The following ERBIN variants were observed in gnomAD, a reference collection of about 807,000 sequenced individuals.
ERBIN encodes the protein densin-180-like protein.
In ERBIN, 60 loss-of-function variants were observed where a neutral mutation model predicts 158.4. That is an observed-to-expected ratio of 0.38 (90% confidence interval 0.31 to 0.47). The LOEUF (loss-of-function observed/expected upper bound fraction) is 0.47, where lower values mean the gene tolerates loss of function less well. Among genes scored for constraint, ERBIN ranks in the 20% least tolerant of loss-of-function variants. The probability of loss-of-function intolerance (pLI) is 0.99; values close to 1 mark genes in which losing one functional copy is unlikely to be tolerated. For missense variants in ERBIN, 1,610 were observed against 1,648.0 expected (o/e 0.98, Z 0.40); for synonymous variants, 594 against 557.2 (o/e 1.07, Z -0.93).
intron 4 of ERBIN, among the ~76,000 whole-genome samples, chr5:66,003,254 A>G (rs1385792653): frequency 2.6e-5 from 4 of 152,220 alleles, no homozygotes; most frequent in Admixed American, 2.0e-4. Context: ...CCTGCCTGGC[A>G]GAGACCACCA....
intron 14 of ERBIN, among the ~76,000 whole-genome samples, chr5:66,032,863 G>A (rs1757028010): frequency 6.6e-6 from 1 of 152,236 alleles, no homozygotes; most frequent in Non-Finnish European, 1.5e-5. Flanking sequence ...AAGCAAAGAT[G>A]AGGGTCAAAG....
At chr5:66,063,205 G>C in intron 21 of ERBIN, among the ~76,000 whole-genome samples, 1 of 152,352 alleles carries the variant, frequency 6.6e-6, no homozygotes, top group East Asian at 1.9e-4. Context: ...GAGCTTCCCA[G>C]CTGCTTTGGT....
intron 1 of ERBIN, among the ~76,000 whole-genome samples, chr5:65,927,634 G>C (rs942663346): frequency 6.6e-6 from 1 of 152,182 alleles, no homozygotes; most frequent in African/African-American, 2.4e-5. Flanking sequence ...CGCTTAAAAC[G>C]ATTTTCAAGG....
chr5:66,026,525 A>G (rs2151155721), intron 13 of ERBIN, 108 bp downstream of exon 13: 7 of 487,136 alleles, frequency 1.4e-5, no homozygotes, highest in East Asian at 3.5e-5. Context: ...CTCTTTAAAT[A>G]TACATAGTAA....
At chr5:65,928,236 T>G (rs1742915353) in intron 1 of ERBIN, among the ~76,000 whole-genome samples, 1 of 151,884 alleles carries the variant, frequency 6.6e-6, no homozygotes, top group African/African-American at 2.4e-5. Flanking sequence ...GGGCATGGTC[T>G]CAGGAGATTC....
intron 1 of ERBIN, among the ~76,000 whole-genome samples, chr5:65,977,306 A>T: frequency 7.3e-6 from 1 of 136,588 alleles, no homozygotes; most frequent in Non-Finnish European, 1.6e-5. Context: ...TGACCCCCCC[A>T]CCTCCCTCCC....
chr5:66,072,121 A>G (rs1463424638), intron 21 of ERBIN, 48 bp from the exon 22 acceptor site: 2 of 1,527,958 alleles, frequency 1.3e-6, no homozygotes, highest in Non-Finnish European at 1.8e-6. Flanking sequence ...TCTTGGTTTC[A>G]CATCTTAAAG....
chr5:65,931,809 T>C (rs1743422656), intron 1 of ERBIN, among the ~76,000 whole-genome samples: 1 of 147,786 alleles, frequency 6.8e-6, no homozygotes, highest in African/African-American at 2.4e-5. Context: ...AGATTTTCTT[T>C]CTTTTCTTTC....
chr5:66,022,123 T>G (rs1451980519), intron 8 of ERBIN, among the ~76,000 whole-genome samples: 1 of 152,088 alleles, frequency 6.6e-6, no homozygotes, highest in African/African-American at 2.4e-5. Flanking sequence ...AGTATTGCCC[T>G]GTGGGTATTA....
chr5:65,964,482 T>A (rs906538290), intron 1 of ERBIN, among the ~76,000 whole-genome samples: 1 of 152,218 alleles, frequency 6.6e-6, no homozygotes, highest in Admixed American at 6.5e-5. Context: ...TTTGGTAAAA[T>A]CTTCAGATAA....
At chr5:65,979,349 C>T (rs1750390114) in intron 1 of ERBIN, among the ~76,000 whole-genome samples, 1 of 152,092 alleles carries the variant, frequency 6.6e-6, no homozygotes. Context: ...ATTACTTGAA[C>T]CTGGGAGGTT....
intron 20 of ERBIN, among the ~76,000 whole-genome samples, chr5:66,051,305 G>A (rs1758996563): frequency 6.6e-6 from 1 of 152,158 alleles, no homozygotes; most frequent in Non-Finnish European, 1.5e-5. Context: ...ATCATTTTGA[G>A]GGGCTGCCAT....
chr5:65,956,538 T>A (rs1747159470), intron 1 of ERBIN, among the ~76,000 whole-genome samples: 1 of 149,852 alleles, frequency 6.7e-6, no homozygotes, highest in Non-Finnish European at 1.5e-5. Flanking sequence ...CCCAGCTAAT[T>A]TTTTTACTTT....
In ERBIN at chr5:66,000,410, A is replaced by G. The variant is rs570917380; in HGVS notation, c.307+5546A>G. Among the ~76,000 whole-genome samples the G allele has an allele frequency of 3.9e-5, 6 of 152,262 alleles. No individual in the cohort carries two copies. The East Asian group carries it at 7.7e-4, about 20-fold the overall frequency. The stretch of plus-strand genomic sequence containing the variant: ...GAATTACATGTTGTAGAGTTAGGCA[A>G]CCTATTAGACTGCAGAGTAGCTCTT... On this transcript the variant is annotated intron_variant, in intron 4 of 25. Coordinates refer to ENST00000284037, the MANE Select transcript of ERBIN (RefSeq NM_001253697.2).
At chr5:65,933,403 T>G (rs1217579622) in intron 1 of ERBIN, among the ~76,000 whole-genome samples, 1 of 152,220 alleles carries the variant, frequency 6.6e-6, no homozygotes, top group Non-Finnish European at 1.5e-5. Flanking sequence ...AGTTTCTCTT[T>G]GAAGGTATGT....
At chr5:65,971,676 A>C (rs1258568471) in intron 1 of ERBIN, among the ~76,000 whole-genome samples, 1 of 152,210 alleles carries the variant, frequency 6.6e-6, no homozygotes, top group Non-Finnish European at 1.5e-5. Context: ...TTCTCTCTTC[A>C]GATGAGCATT....
chr5:65,958,445 C>T (rs180728500), intron 1 of ERBIN, among the ~76,000 whole-genome samples: 6,055 of 152,236 alleles, frequency 0.04, 384 homozygotes, highest in African/African-American at 0.14. Context: ...ACAGCGAAAC[C>T]CCGTCTCCAC....
intron 18 of ERBIN, among the ~76,000 whole-genome samples, chr5:66,047,993 G>A (rs879873559): frequency 4.6e-5 from 7 of 151,828 alleles, no homozygotes; most frequent in Non-Finnish European, 7.4e-5. Flanking sequence ...AAGAAATTTA[G>A]GAGGAAGATT....
chr5:65,981,011 G>A (rs115584761), intron 1 of ERBIN, among the ~76,000 whole-genome samples: 1,675 of 152,298 alleles, frequency 0.011, 28 homozygotes, highest in Middle Eastern at 0.065. Flanking sequence ...TCATGTACAC[G>A]TGGAACCTCT....
Sources: allele counts gnomAD v4.1 joint callset (sites outside exome capture counted in the v4.1 genomes callset), GRCh38; gene constraint gnomAD v4.1.1; transcripts MANE v1.5; gene names NCBI Gene and HGNC (gene_info 2026-07-23, HGNC 2026-07-21).